TENM3: variants seen among roughly 807,000 people sequenced by gnomAD.
The protein encoded by TENM3 is teneurin transmembrane protein 3, also known as teneurin-3.
A neutral mutation model predicts 255.1 loss-of-function variants in TENM3; 63 were observed. The ratio of observed to expected loss-of-function variants is 0.25; its 90% CI spans 0.20 to 0.30. The LOEUF (loss-of-function observed/expected upper bound fraction) is 0.30. TENM3 is among the 10% of genes least tolerant of loss of function. The probability of loss-of-function intolerance (pLI) is 1.00; values close to 1 mark genes in which losing one functional copy is unlikely to be tolerated. For synonymous variants in TENM3, 1,306 were observed against 1,322.3 expected, an observed-to-expected ratio of 0.99 and a Z score of 0.27; for missense variants, 2,929 against 3,461.1, an observed-to-expected ratio of 0.85 and a Z score of 3.86.
chr4:182,720,952 G>C (rs1759676223), intron 13 of TENM3, among the ~76,000 whole-genome samples: 1 of 151,932 alleles, frequency 6.6e-6, no homozygotes, highest in Non-Finnish European at 1.5e-5. Flanking sequence ...ATTTTTAGTA[G>C]AGACGAGATT....
chr4:181,906,001 T>C, the TENM3 span: 1 of 492,380 alleles, frequency 2.0e-6, no homozygotes, highest in Admixed American at 2.4e-5. Flanking sequence ...TTTCTCATGC[T>C]TTTCATTATA....
At chr4:181,681,757 T>C in the TENM3 span, among the ~76,000 whole-genome samples, 6 of 151,850 alleles carry the variant, frequency 4.0e-5, no homozygotes, top group Admixed American at 6.6e-5. Flanking sequence ...TATTTTTTTT[T>C]CCCCAGTAGG....
At chr4:181,701,317 A>G in the TENM3 span, among the ~76,000 whole-genome samples, 1 of 152,254 alleles carries the variant, frequency 6.6e-6, no homozygotes, top group Non-Finnish European at 1.5e-5. Context: ...CACTCAGTGC[A>G]GTGGTTGAAG....
At chr4:181,469,069 C>A in the TENM3 span, among the ~76,000 whole-genome samples, 21 of 152,080 alleles carry the variant, frequency 1.4e-4, no homozygotes, top group Non-Finnish European at 3.1e-4. Flanking sequence ...TGTTAGAGAG[C>A]TAAAAATTAT....
At chr4:182,178,846 G>A (rs1579617761) in intron 1 of TENM3, among the ~76,000 whole-genome samples, 2 of 152,114 alleles carry the variant, frequency 1.3e-5, no homozygotes, top group African/African-American at 4.8e-5. Context: ...TCTTAAACAG[G>A]TGATGCAGTT....
At chr4:181,880,342 A>G in the TENM3 span, among the ~76,000 whole-genome samples, 1 of 152,254 alleles carries the variant, frequency 6.6e-6, no homozygotes, top group African/African-American at 2.4e-5. Context: ...ATATGCAAAT[A>G]TTAACAAATA....
chr4:181,684,063 G>A, the TENM3 span, among the ~76,000 whole-genome samples: 3 of 152,174 alleles, frequency 2.0e-5, no homozygotes, highest in Non-Finnish European at 4.4e-5. Context: ...GGGATCACTT[G>A]AGGCAGTTTT....
intron 12 of TENM3, among the ~76,000 whole-genome samples, chr4:182,690,941 G>C (rs1199963241): frequency 6.6e-6 from 1 of 152,098 alleles, no homozygotes; most frequent in East Asian, 1.9e-4. Flanking sequence ...GGGAAATAAG[G>C]GACCTGCTTC....
At chr4:182,633,703 TTTC>T (rs796318573) in intron 5 of TENM3, among the ~76,000 whole-genome samples, 13 of 152,210 alleles carry the variant, frequency 8.5e-5, no homozygotes, top group African/African-American at 3.1e-4. Flanking sequence ...CCTTAGGAGG[TTTC>T]TTCTTTTAAC....
At chr4:182,700,545 G>A (rs1288970516) in intron 12 of TENM3, among the ~76,000 whole-genome samples, 1 of 152,144 alleles carries the variant, frequency 6.6e-6, no homozygotes, top group East Asian at 1.9e-4. Flanking sequence ...TGCTCTTCAT[G>A]ATAAGTTCAG....
At chr4:181,738,626 C>T in the TENM3 span, among the ~76,000 whole-genome samples, 1 of 152,030 alleles carries the variant, frequency 6.6e-6, no homozygotes, top group African/African-American at 2.4e-5. Flanking sequence ...TGTTTTCTCT[C>T]GAGTCCCTGT....
chr4:182,576,687 C>T (rs1482697088), intron 3 of TENM3, among the ~76,000 whole-genome samples: 1 of 152,164 alleles, frequency 6.6e-6, no homozygotes, highest in African/African-American at 2.4e-5. Context: ...TGTTTATCTG[C>T]ATTGCCAGGG....
intron 18 of TENM3, among the ~76,000 whole-genome samples, chr4:182,741,037 T>A (rs12645829): frequency 2.0e-5 from 3 of 151,898 alleles, no homozygotes; most frequent in East Asian, 1.9e-4. Context: ...TTAGCCAGGC[T>A]TAGTAGTGGG....
At position 182,620,932 on chromosome 4, in the gene TENM3, C is replaced by A. The variant is rs201031355; in HGVS notation, c.750-7719C>A. Among the ~76,000 whole-genome samples the A allele has an allele frequency of 2.0e-5, 3 of 152,310 alleles. No homozygotes were observed. In the East Asian group the frequency reaches 5.8e-4, roughly 29 times the overall value. On this transcript the variant is annotated intron_variant, in intron 4 of 27. Coordinates refer to ENST00000511685, the MANE Select transcript of TENM3 (RefSeq NM_001080477.4). ...GTTTTTATCACGCCTGTAATCCCAG[C>A]ACTTTGGGAGGCCAAGGCGGGTGGA... is the stretch of plus-strand genomic sequence containing the variant.
the TENM3 span, among the ~76,000 whole-genome samples, chr4:181,906,786 A>G: frequency 6.6e-6 from 1 of 152,084 alleles, no homozygotes; most frequent in African/African-American, 2.4e-5. Flanking sequence ...AGCCCAAGCG[A>G]TCCTCTCGCT....
At chr4:182,740,755 G>C (rs1005296880) in intron 18 of TENM3, among the ~76,000 whole-genome samples, 2 of 152,156 alleles carry the variant, frequency 1.3e-5, no homozygotes, top group Non-Finnish European at 2.9e-5. Flanking sequence ...TTCTGTATAT[G>C]TATAATATAA....
the TENM3 span, among the ~76,000 whole-genome samples, chr4:181,837,775 C>T: frequency 6.6e-6 from 1 of 152,094 alleles, no homozygotes; most frequent in African/African-American, 2.4e-5. Flanking sequence ...AGCTGTTTTG[C>T]CAGAACTCCT....
chr4:182,733,578 T>G (rs565591527), intron 16 of TENM3, among the ~76,000 whole-genome samples: 1 of 151,288 alleles, frequency 6.6e-6, no homozygotes, highest in East Asian at 1.9e-4. Flanking sequence ...AGAGGTAAAT[T>G]TGGGAGTCAT....
the TENM3 span, among the ~76,000 whole-genome samples, chr4:181,576,462 C>G: frequency 1.6e-4 from 24 of 152,262 alleles, no homozygotes; most frequent in Middle Eastern, 3.4e-3. Flanking sequence ...ATTGCTGGAT[C>G]ATGTGGTTCT....
Sources: gnomAD v4.1 joint callset for allele counts (sites outside exome capture counted in the v4.1 genomes callset) on GRCh38, gnomAD v4.1.1 for gene constraint, MANE v1.5 for transcripts, NCBI Gene and HGNC (gene_info 2026-07-23, HGNC 2026-07-21) for gene names.